Variants in RBMS3 observed in about 807,000 individuals in gnomAD.
The protein encoded by RBMS3 is RNA-binding motif, single-stranded-interacting protein 3.
A neutral mutation model predicts 66.8 loss-of-function variants in RBMS3; 27 were observed. That is an observed-to-expected ratio of 0.40 (90% CI 0.30 to 0.56). The LOEUF is 0.56. RBMS3 is among the 20% of genes least tolerant of loss of function. The probability of loss-of-function intolerance (pLI) is 0.40; values close to 1 mark genes in which losing one functional copy is unlikely to be tolerated. For missense variants in RBMS3, 513 were observed against 549.5 expected, an observed-to-expected ratio of 0.93 and a Z score of 0.66; for synonymous variants, 188 against 183.0, an observed-to-expected ratio of 1.03 and a Z score of -0.22.
chr3:29,990,460 C>CAAAAAAAAAAAAAAAAAAAAAAAAA (rs10596526), intron 13 of RBMS3, among the ~76,000 whole-genome samples: 8 of 106,516 alleles, frequency 7.5e-5, no homozygotes, highest in Non-Finnish European at 9.7e-5. Context: ...CTGTGAGAAA[C>CAAAAAAAAAAAAAAAAAAAAAAAAA]AAAAAAAAAA....
intron 4 of RBMS3, among the ~76,000 whole-genome samples, chr3:29,727,573 G>C (rs2149330668): frequency 6.6e-6 from 1 of 152,154 alleles, no homozygotes; most frequent in South Asian, 2.1e-4. Context: ...CTTCCCAAAA[G>C]AAGACATTTA....
At chr3:29,682,956 T>C (rs907368808) in intron 4 of RBMS3, among the ~76,000 whole-genome samples, 7 of 152,196 alleles carry the variant, frequency 4.6e-5, no homozygotes, top group Admixed American at 3.9e-4. Context: ...TTCTAAGTGT[T>C]TAAGTATTTG....
At chr3:29,679,692 G>A (rs1268231885) in intron 4 of RBMS3, among the ~76,000 whole-genome samples, 1 of 151,226 alleles carries the variant, frequency 6.6e-6, no homozygotes, top group African/African-American at 2.4e-5. Flanking sequence ...CAGTCTAGAG[G>A]ATAGATAACA....
chr3:29,559,791 A>G (rs1406925644), intron 3 of RBMS3, among the ~76,000 whole-genome samples: 1 of 152,166 alleles, frequency 6.6e-6, no homozygotes, highest in South Asian at 2.1e-4. Context: ...TAAAATACAC[A>G]GAATACCTAT....
intron 12 of RBMS3, among the ~76,000 whole-genome samples, chr3:29,949,750 T>C (rs1460832455): frequency 6.6e-6 from 1 of 151,490 alleles, no homozygotes; most frequent in African/African-American, 2.4e-5. Context: ...TTATTTTTTA[T>C]ATATTTTTTT....
At chr3:29,490,813 G>C (rs1373495568) in intron 3 of RBMS3, among the ~76,000 whole-genome samples, 3 of 152,078 alleles carry the variant, frequency 2.0e-5, no homozygotes, top group Non-Finnish European at 4.4e-5. Context: ...TGGCATGTTA[G>C]AAGCATTAGA....
chr3:29,507,296 A>C (rs548116630), intron 3 of RBMS3, among the ~76,000 whole-genome samples: 93 of 152,176 alleles, frequency 6.1e-4, no homozygotes, highest in African/African-American at 1.9e-3. Flanking sequence ...TACAGAAATA[A>C]TGTTTTAGGA....
intron 4 of RBMS3, among the ~76,000 whole-genome samples, chr3:29,695,017 T>G (rs987851817): frequency 1.3e-5 from 2 of 152,198 alleles, no homozygotes; most frequent in Non-Finnish European, 2.9e-5. Flanking sequence ...AGTCTCTCAT[T>G]GCCCACTGCT....
intron 4 of RBMS3, among the ~76,000 whole-genome samples, chr3:29,599,619 A>G (rs2048077302): frequency 6.6e-6 from 1 of 152,110 alleles, no homozygotes; most frequent in Non-Finnish European, 1.5e-5. Flanking sequence ...ACACACGTCC[A>G]CAGGTGTGTA....
intron 4 of RBMS3, among the ~76,000 whole-genome samples, chr3:29,692,601 T>C (rs77856074): frequency 2.0e-5 from 3 of 152,164 alleles, no homozygotes; most frequent in African/African-American, 4.8e-5. Flanking sequence ...AAACTGACCA[T>C]GTGTTTTCCT....
intron 3 of RBMS3, among the ~76,000 whole-genome samples, chr3:29,529,400 A>C (rs2045262579): frequency 6.9e-6 from 1 of 144,076 alleles, no homozygotes; most frequent in South Asian, 2.2e-4. Context: ...AGAAAGAAGG[A>C]AAAAAAACAG....
At chr3:29,338,317 A>G (rs1425282751) in intron 1 of RBMS3, among the ~76,000 whole-genome samples, 1 of 152,218 alleles carries the variant, frequency 6.6e-6, no homozygotes, top group Non-Finnish European at 1.5e-5. Flanking sequence ...AAAGCAAATA[A>G]AATGTGTCAT....
chr3:29,847,838 A>T lies in RBMS3; in HGVS notation c.638-21020A>T, dbSNP rs368837211. On this transcript the variant is annotated intron_variant, in intron 6 of 14. Coordinates refer to ENST00000383767, the MANE Select transcript of RBMS3 (RefSeq NM_001003793.3). The stretch of plus-strand genomic sequence containing the variant: ...GCCCGGCTAATTTTCTTGTGTTTTT[A>T]GTAGAGACGGGGTGTCACCGTGTTA... Among the ~76,000 whole-genome samples, 420 of 152,082 alleles carry T rather than the reference A, an allele frequency of 2.8e-3. 2 individuals carry two copies. Among genetic ancestry groups the T allele is most frequent in the African/African-American group, 9.7e-3 (402 of 41,492 alleles).
chr3:29,453,597 G>A (rs1297922298), intron 2 of RBMS3, among the ~76,000 whole-genome samples: 1 of 152,282 alleles, frequency 6.6e-6, no homozygotes, highest in East Asian at 1.9e-4. Context: ...CTTTGGCCTG[G>A]CAAGGGTCGT....
At chr3:29,308,370 A>ACTC (rs2034146187) in intron 1 of RBMS3, among the ~76,000 whole-genome samples, 1 of 151,846 alleles carries the variant, frequency 6.6e-6, no homozygotes, top group African/African-American at 2.4e-5. Context: ...ATTGGAGAAG[A>ACTC]CAGAGTTATT....
rs562309271 is a variant in RBMS3 at position 29,751,921 on chromosome 3, C to T, written c.558-10989C>T. 7.2e-5 allele frequency among the ~76,000 whole-genome samples: 11 copies of T among 152,272 alleles called. No homozygotes were observed. In the East Asian group the frequency reaches 1.7e-3, roughly 24 times the overall value. ...CATGGCAGCGCCTAGGGGTTGCCTA[C>T]GACCCCTGGAGCCCCAGAGGATGTG... On this transcript the variant is annotated intron_variant, in intron 5 of 14. Transcript: ENST00000383767.
chr3:29,313,482 C>T (rs1318864384), intron 1 of RBMS3, among the ~76,000 whole-genome samples: 1 of 151,634 alleles, frequency 6.6e-6, no homozygotes, highest in Non-Finnish European at 1.5e-5. Context: ...CTGCCTTGAA[C>T]AAGGAAATTT....
intron 4 of RBMS3, among the ~76,000 whole-genome samples, chr3:29,695,597 G>C (rs2052234244): frequency 6.6e-6 from 1 of 151,930 alleles, no homozygotes; most frequent in Non-Finnish European, 1.5e-5. Context: ...AAAATTTTAA[G>C]TGAAATCTCA....
intron 1 of RBMS3, among the ~76,000 whole-genome samples, chr3:29,302,270 C>T (rs1202761935): frequency 6.6e-6 from 1 of 151,988 alleles, no homozygotes; most frequent in East Asian, 1.9e-4. Flanking sequence ...CCTCGGCCTC[C>T]CAAAGTGCTG....
Sources: gnomAD v4.1 joint callset for allele counts (sites outside exome capture counted in the v4.1 genomes callset) on GRCh38, gnomAD v4.1.1 for gene constraint, MANE v1.5 for transcripts, NCBI Gene and HGNC (gene_info 2026-07-23, HGNC 2026-07-21) for gene names.